The following BRINP2 variants were observed in gnomAD, a reference collection of about 807,000 sequenced individuals.
The protein encoded by BRINP2 is BMP/retinoic acid-inducible neural-specific protein 2.
A neutral mutation model predicts 69.2 loss-of-function variants in BRINP2; 21 were observed. That is an observed-to-expected ratio of 0.30 (90% CI 0.22 to 0.44). The LOEUF is 0.44. Among genes scored for constraint, BRINP2 ranks in the 20% least tolerant of loss-of-function variants. The probability of loss-of-function intolerance (pLI) is 1.00; values close to 1 mark genes in which losing one functional copy is unlikely to be tolerated. For synonymous variants in BRINP2, 380 were observed against 394.1 expected, an observed-to-expected ratio of 0.96 and a Z score of 0.42; for missense variants, 877 against 986.0, an observed-to-expected ratio of 0.89 and a Z score of 1.48.
At chr1:177,196,051 CA>C (rs1648735433) in intron 1 of BRINP2, among the ~76,000 whole-genome samples, 1 of 152,196 alleles carries the variant, frequency 6.6e-6, no homozygotes, top group Admixed American at 6.5e-5. Context: ...AAGTGCTCTA[CA>C]AATGCTAATT....
chr1:177,267,845 A>G (rs1341373107), intron 4 of BRINP2, among the ~76,000 whole-genome samples: 1 of 152,200 alleles, frequency 6.6e-6, no homozygotes, highest in African/African-American at 2.4e-5. Context: ...CATCTCCTCA[A>G]AAGAGGTCAC....
At chr1:177,204,200 C>G (rs948092365) in intron 1 of BRINP2, among the ~76,000 whole-genome samples, 1 of 152,006 alleles carries the variant, frequency 6.6e-6, no homozygotes, top group African/African-American at 2.4e-5. Context: ...GATTATGAAG[C>G]TGGTTGGGTA....
At chr1:177,191,805 C>T (rs1046651078) in intron 1 of BRINP2, among the ~76,000 whole-genome samples, 6 of 152,114 alleles carry the variant, frequency 3.9e-5, no homozygotes, top group Non-Finnish European at 8.8e-5. Flanking sequence ...TCTTTCACCT[C>T]GAATGTGTGC....
intron 4 of BRINP2, among the ~76,000 whole-genome samples, chr1:177,269,606 C>A (rs1651239823): frequency 6.6e-6 from 1 of 152,192 alleles, no homozygotes; most frequent in Non-Finnish European, 1.5e-5. Context: ...CAATTTGCAG[C>A]TTTTTAAAGC....
intron 2 of BRINP2, among the ~76,000 whole-genome samples, chr1:177,248,963 C>G (rs1269311896): frequency 6.6e-6 from 1 of 152,022 alleles, no homozygotes; most frequent in African/African-American, 2.4e-5. Flanking sequence ...TATGGTTCAA[C>G]TCTCTTATTG....
At chr1:177,238,711 A>T (rs1650109283) in intron 2 of BRINP2, among the ~76,000 whole-genome samples, 1 of 152,262 alleles carries the variant, frequency 6.6e-6, no homozygotes, top group East Asian at 1.9e-4. Context: ...AAAGTGACAA[A>T]GAAAATAGAT....
chr1:177,245,210 C>T (rs1650336431), intron 2 of BRINP2, among the ~76,000 whole-genome samples: 1 of 152,018 alleles, frequency 6.6e-6, no homozygotes, highest in South Asian at 2.1e-4. Context: ...AATGTACTCT[C>T]AGTGGCTCAG....
Position 177,281,168 on chromosome 1 carries a change from G to C in BRINP2, c.1992G>C (p.Glu664Asp), listed in dbSNP as rs752832498. ...DDSSNETIYY[E>D]PLEMTDPSKN... Reference sequence around the variant, plus strand: ...GCTCCAATGAGACAATCTACTATGAGCCCCTGGAGATGACTGATCCCTCTA... The same window carrying C: ...GCTCCAATGAGACAATCTACTATGACCCCCTGGAGATGACTGATCCCTCTA... The change falls in exon 8 of 8, where the codon GAG (glutamate) becomes GAC (aspartate). Residue 664 changes from glutamate to aspartate, a missense_variant. This residue lies in a region of BRINP2 where 225 missense variants were observed against 218.7 expected (regional missense o/e 1.03). Transcript: ENST00000361539. 2 of 1,614,092 alleles carry C rather than the reference G, an allele frequency of 1.2e-6. No homozygotes were observed. The highest frequency in any genetic ancestry group is 1.7e-6 in the Non-Finnish European group (2 of 1,180,042).
intron 1 of BRINP2, among the ~76,000 whole-genome samples, chr1:177,195,965 A>G (rs1648733757): frequency 6.6e-6 from 1 of 152,228 alleles, no homozygotes. Context: ...TTTGTAAAGA[A>G]TAATGATACC....
chr1:177,208,412 T>C (rs1489872051), intron 1 of BRINP2, among the ~76,000 whole-genome samples: 1 of 152,188 alleles, frequency 6.6e-6, no homozygotes, highest in African/African-American at 2.4e-5. Context: ...CAAATGAGAA[T>C]AAGTAGATAA....
At chr1:177,279,242 A>C (rs1215587382) in intron 7 of BRINP2, among the ~76,000 whole-genome samples, 2 of 152,146 alleles carry the variant, frequency 1.3e-5, no homozygotes, top group African/African-American at 2.4e-5. Flanking sequence ...ACAAGTATCC[A>C]CTTGTTCATC....
chr1:177,238,275 T>C (rs1650090554), intron 2 of BRINP2, among the ~76,000 whole-genome samples: 1 of 151,932 alleles, frequency 6.6e-6, no homozygotes, highest in South Asian at 2.1e-4. Flanking sequence ...CCTCTGGGAG[T>C]AGAAACAGTG....
intron 5 of BRINP2, among the ~76,000 whole-genome samples, chr1:177,274,390 A>C (rs1651429611): frequency 6.6e-6 from 1 of 152,236 alleles, no homozygotes; most frequent in Non-Finnish European, 1.5e-5. Context: ...TTACAAAATC[A>C]ATAACCCTCA....
chr1:177,202,036 C>T (rs1301360417), intron 1 of BRINP2, among the ~76,000 whole-genome samples: 2 of 152,134 alleles, frequency 1.3e-5, no homozygotes, highest in African/African-American at 2.4e-5. Flanking sequence ...TCTGTGGGAT[C>T]GGTGGTGATA....
chr1:177,253,464 C>T (rs1207965238), intron 2 of BRINP2, among the ~76,000 whole-genome samples: 1 of 152,036 alleles, frequency 6.6e-6, no homozygotes, highest in East Asian at 1.9e-4. Flanking sequence ...TCATAATTTG[C>T]AAATATTTTC....
intron 1 of BRINP2, among the ~76,000 whole-genome samples, chr1:177,227,358 A>G (rs1231179687): frequency 6.6e-6 from 1 of 152,248 alleles, no homozygotes; most frequent in Non-Finnish European, 1.5e-5. Flanking sequence ...AACAAAATAG[A>G]ACAATATTTT....
chr1:177,202,803 C>T (rs966042010), intron 1 of BRINP2, among the ~76,000 whole-genome samples: 2 of 152,048 alleles, frequency 1.3e-5, no homozygotes, highest in Admixed American at 6.6e-5. Context: ...GTTAGAATGG[C>T]GATCATTAAA....
At chr1:177,204,495 A>G (rs1649013757) in intron 1 of BRINP2, among the ~76,000 whole-genome samples, 1 of 152,096 alleles carries the variant, frequency 6.6e-6, no homozygotes, top group African/African-American at 2.4e-5. Flanking sequence ...AGAAAAAAAA[A>G]GAGAGTGGGG....
At chr1:177,189,045 C>G (rs1357089706) in intron 1 of BRINP2, among the ~76,000 whole-genome samples, 2 of 152,068 alleles carry the variant, frequency 1.3e-5, no homozygotes, top group African/African-American at 4.8e-5. Flanking sequence ...TAAAGAAGGC[C>G]AGGCTACAGG....
Sources: allele counts gnomAD v4.1 joint callset (sites outside exome capture counted in the v4.1 genomes callset), GRCh38; gene constraint gnomAD v4.1.1; regional missense constraint gnomAD v4.1.1; transcripts MANE v1.5; gene names NCBI Gene and HGNC (gene_info 2026-07-23, HGNC 2026-07-21).